Variants in PIK3C3 observed in about 807,000 individuals in gnomAD.
PIK3C3 encodes PI3-kinase type 3.
In PIK3C3, 95 loss-of-function variants were observed where a neutral mutation model predicts 126.1. The ratio of observed to expected loss-of-function variants is 0.75; its 90% CI spans 0.64 to 0.89. PIK3C3 has a LOEUF of 0.89. Among genes scored for constraint, PIK3C3 ranks in the 40% least tolerant of loss-of-function variants. The pLI is 0.00. For synonymous variants in PIK3C3, 374 were observed against 360.0 expected, an observed-to-expected ratio of 1.04 and a Z score of -0.44; for missense variants, 829 against 1,063.2, an observed-to-expected ratio of 0.78 and a Z score of 3.06.
chr18:42,080,345 T>A (rs755266445), intron 24 of PIK3C3, among the ~76,000 whole-genome samples: 1 of 152,192 alleles, frequency 6.6e-6, no homozygotes, highest in African/African-American at 2.4e-5. Context: ...ATTTTTCACA[T>A]TTGTACATGT....
rs556932434 is a variant in PIK3C3, at chr18:42,085,935, T to A, written c.*4798T>A. The stretch of plus-strand genomic sequence containing the variant: ...ACTCCATCTCTTCAAAAATATATAT[T>A]TGTGTGTGTGTGTGTGTGTATGTGC... On this transcript the variant is annotated 3_prime_UTR_variant, in exon 25 of 25. Coordinates refer to ENST00000262039, the MANE Select transcript of PIK3C3 (RefSeq NM_002647.4). 9.0e-6 allele frequency: 1 copy of A among 111,510 alleles called. No individual in the cohort carries two copies. The highest frequency in any genetic ancestry group is 1.7e-5 in the Non-Finnish European group (1 of 58,478). The allele number at this position is 111,510 out of a possible 1,614,324, so 6.9% of individuals were successfully genotyped here. A position where few individuals can be genotyped will look rare whatever the true frequency, so the allele number is the denominator to read the frequency against.
In PIK3C3 at chr18:42,004,473, T is replaced by C. The variant is rs1349605731; in HGVS notation, c.1102T>C (p.Ser368Pro). 2.5e-6 allele frequency: 4 copies of C among 1,613,622 alleles called. No individual in the cohort carries two copies. Among genetic ancestry groups the C allele is most frequent in the East Asian group, 2.2e-5 (1 of 44,862 alleles). ...MDVEDSLELL[S>P]SHYTNPTVRR... is the part of the protein sequence containing the mutation. ...TGTAGAGGACTCCTTGGAGCTGTTA[T>C]CCTCTCATTACACCAACCCAACTGT... The change falls in exon 10 of 25, where the codon TCC becomes CCC. Residue 368 changes from serine (S) to proline (P), a missense_variant. This residue lies in a region of PIK3C3 where 64 missense variants were observed against 118.7 expected (regional missense o/e 0.54). Transcript: ENST00000262039.
chr18:42,029,397 C>G lies in PIK3C3; in HGVS notation c.1663C>G (p.Leu555Val). The G allele has an allele frequency of 1.2e-6, 2 of 1,613,480 alleles. No homozygotes were observed. Among genetic ancestry groups the G allele is most frequent in the Non-Finnish European group, 8.5e-7 (1 of 1,179,582 alleles). ...QQTFVDRLVH[L>V]MKAVQRESGN... ...GACATTTGTAGATCGGTTGGTGCATCTAATGAAGGCAGTACAACGCGAAAG... is the reference window on the plus strand; with the variant it reads ...GACATTTGTAGATCGGTTGGTGCATGTAATGAAGGCAGTACAACGCGAAAG... The change falls in exon 15 of 25, where the codon CTA becomes GTA. Residue 555 changes from leucine to valine, a missense_variant. This residue lies in a region of PIK3C3 where 256 missense variants were observed against 291.0 expected (regional missense o/e 0.88). Coordinates refer to ENST00000262039, the MANE Select transcript of PIK3C3 (RefSeq NM_002647.4).
chr18:41,998,118 C>T (rs1393361404), intron 9 of PIK3C3, among the ~76,000 whole-genome samples: 1 of 152,098 alleles, frequency 6.6e-6, no homozygotes, highest in Non-Finnish European at 1.5e-5. Flanking sequence ...AACTCTTCAG[C>T]TTTTCTGCTT....
chr18:41,997,597 G>A (rs1282601593), intron 9 of PIK3C3, among the ~76,000 whole-genome samples: 6 of 152,066 alleles, frequency 3.9e-5, no homozygotes, highest in Admixed American at 3.9e-4. Flanking sequence ...TTAAAACAGA[G>A]AGCCAAGGGG....
At chr18:41,990,582 T>C (rs761061832) in intron 6 of PIK3C3, 28 bp downstream of exon 6, 2 of 1,216,230 alleles carry the variant, frequency 1.6e-6, no homozygotes, top group Non-Finnish European at 2.4e-6. Context: ...GTTTTTGGTC[T>C]CTAAAGTAGA....
At chr18:42,031,311 A>G (rs1983813804) in intron 15 of PIK3C3, among the ~76,000 whole-genome samples, 1 of 152,212 alleles carries the variant, frequency 6.6e-6, no homozygotes, top group South Asian at 2.1e-4. Context: ...TCAAATGAGT[A>G]AAGAAGATGA....
chr18:42,012,631 A>G (rs1982882040), intron 10 of PIK3C3, among the ~76,000 whole-genome samples: 1 of 152,220 alleles, frequency 6.6e-6, no homozygotes, highest in African/African-American at 2.4e-5. Flanking sequence ...GACAACCTTT[A>G]TAGAGAAATA....
intron 6 of PIK3C3, among the ~76,000 whole-genome samples, chr18:41,992,054 G>A (rs923212428): frequency 1.2e-4 from 18 of 152,178 alleles, no homozygotes; most frequent in Admixed American, 1.2e-3. Context: ...AAGACAGCTT[G>A]ATAGCAGATG....
At chr18:42,016,655 A>G (rs1002694650) in intron 12 of PIK3C3, among the ~76,000 whole-genome samples, 10 of 152,156 alleles carry the variant, frequency 6.6e-5, no homozygotes, top group African/African-American at 2.4e-4. Context: ...CATTTCAGAT[A>G]GAGGGAGTAG....
intron 17 of PIK3C3, 29 bp from the exon 18 acceptor site, chr18:42,038,752 G>T (rs2144465963): frequency 1.4e-6 from 2 of 1,402,326 alleles, no homozygotes; most frequent in Non-Finnish European, 2.0e-6. Flanking sequence ...TTTACATTTG[G>T]TTAATATATT....
chr18:41,981,776 A>G (rs1374776142), intron 4 of PIK3C3, among the ~76,000 whole-genome samples: 1 of 150,994 alleles, frequency 6.6e-6, no homozygotes, highest in Non-Finnish European at 1.5e-5. Context: ...CCTGGTCAAC[A>G]TGGTGAAACC....
At chr18:42,027,302 A>G in intron 13 of PIK3C3, 141 bp from the exon 14 acceptor site, 1 of 407,098 alleles carries the variant, frequency 2.5e-6, no homozygotes, top group East Asian at 4.1e-5. Flanking sequence ...TTTAAAAGTG[A>G]TGATAAAATG....
intron 13 of PIK3C3, among the ~76,000 whole-genome samples, chr18:42,023,498 A>T (rs760731413): frequency 1.2e-4 from 18 of 152,200 alleles, no homozygotes; most frequent in Non-Finnish European, 2.5e-4. Context: ...GTGTTTTCCC[A>T]CTATATCTCT....
chr18:42,026,972 A>C (rs957211135), intron 13 of PIK3C3: 11 of 152,258 alleles, frequency 7.2e-5, no homozygotes, highest in African/African-American at 2.7e-4. Flanking sequence ...AGGAAAAATT[A>C]CTTAAAATTT....
intron 1 of PIK3C3, 190 bp downstream of exon 1, chr18:41,955,549 T>G: frequency 1.9e-6 from 1 of 537,646 alleles, no homozygotes; most frequent in Non-Finnish European, 3.3e-6. Flanking sequence ...GGAAAAGGAT[T>G]TAATACGTGG....
intron 9 of PIK3C3, among the ~76,000 whole-genome samples, chr18:41,998,799 C>G (rs951539961): frequency 1.3e-5 from 2 of 152,142 alleles, no homozygotes; most frequent in African/African-American, 4.8e-5. Context: ...GAATTATTCA[C>G]ACAGCCACAT....
intron 22 of PIK3C3, among the ~76,000 whole-genome samples, chr18:42,060,066 G>A (rs1984367): frequency 0.24 from 35,868 of 151,944 alleles, 4,593 homozygotes; most frequent in South Asian, 0.4. Context: ...TAAACCCATC[G>A]CACCTGGCCA....
chr18:42,033,779 A>G, intron 15 of PIK3C3, 47 bp from the exon 16 acceptor site: 1 of 1,421,018 alleles, frequency 7.0e-7, no homozygotes, highest in Non-Finnish European at 9.6e-7. Flanking sequence ...TGTTTTATAA[A>G]CTACTCTTCT....
Sources: allele counts gnomAD v4.1 joint callset (sites outside exome capture counted in the v4.1 genomes callset), GRCh38; gene constraint gnomAD v4.1.1; regional missense constraint gnomAD v4.1.1; transcripts MANE v1.5; gene names NCBI Gene and HGNC (gene_info 2026-07-23, HGNC 2026-07-21).